The following NYAP2 variants were observed in gnomAD, a reference collection of about 807,000 sequenced individuals.
NYAP2 encodes neuronal tyrosine-phosphorylated phosphoinositide-3-kinase adaptor 2, also known as neuronal tyrosine-phosphorylated phosphoinositide-3-kinase adapter 2.
In NYAP2, 23 loss-of-function variants were observed where a neutral mutation model predicts 50.4. That is an observed-to-expected ratio of 0.46 (90% CI 0.33 to 0.65). NYAP2 has a LOEUF of 0.65. NYAP2 is among the 30% of genes least tolerant of loss of function. The pLI, the probability that NYAP2 is intolerant of heterozygous loss-of-function variation, is 0.02. For synonymous variants in NYAP2, 394 were observed against 365.2 expected, an observed-to-expected ratio of 1.08 and a Z score of -0.90; for missense variants, 885 against 861.0, an observed-to-expected ratio of 1.03 and a Z score of -0.35.
exon 7 of NYAP2, chr2:225,651,460 G>A (rs1297890564): frequency 1.2e-6 from 2 of 1,613,984 alleles, no homozygotes; most frequent in Admixed American, 3.3e-5. Flanking sequence ...AATTAGGCCG[G>A]TCTGCGTCGA....
downstream of NYAP2, among the ~76,000 whole-genome samples, chr2:225,658,368 C>G (rs972006500): frequency 6.6e-6 from 1 of 152,164 alleles, no homozygotes; most frequent in African/African-American, 2.4e-5. Context: ...AAGTGTTTCT[C>G]TGTACTAACT....
intron 3 of NYAP2, among the ~76,000 whole-genome samples, chr2:225,448,268 T>C (rs1397214214): frequency 2.6e-5 from 4 of 152,192 alleles, no homozygotes; most frequent in Non-Finnish European, 4.4e-5. Flanking sequence ...AATTCAGTGA[T>C]AGTCATCAAT....
intron 6 of NYAP2, among the ~76,000 whole-genome samples, chr2:225,638,948 T>C (rs1310423303): frequency 6.6e-6 from 1 of 152,194 alleles, no homozygotes; most frequent in Non-Finnish European, 1.5e-5. Flanking sequence ...GAGAAGTGTT[T>C]CCTTGAGATA....
chr2:225,441,449 T>C (rs1346764067), intron 3 of NYAP2, among the ~76,000 whole-genome samples: 2 of 152,212 alleles, frequency 1.3e-5, no homozygotes, highest in Admixed American at 1.3e-4. Context: ...GCTAGACTAC[T>C]GTATTAGTCC....
At chr2:225,524,119 AG>A (rs1436240257) in intron 4 of NYAP2, among the ~76,000 whole-genome samples, 1 of 152,194 alleles carries the variant, frequency 6.6e-6, no homozygotes, top group Non-Finnish European at 1.5e-5. Flanking sequence ...CACAAGGTGA[AG>A]TCCCACAATA....
At chr2:225,583,005 A>G (rs755748231) in exon 5 of NYAP2, 9 of 1,611,948 alleles carry the variant, frequency 5.6e-6, no homozygotes, top group Non-Finnish European at 7.6e-6. Context: ...CAAGTCGTCC[A>G]GTGGCCGGCG....
At chr2:225,699,459 C>G in the NYAP2 span, 1 of 151,844 alleles carries the variant, frequency 6.6e-6, no homozygotes, top group Non-Finnish European at 1.5e-5. Context: ...TTGTAGCCAC[C>G]ATAATCACTA....
rs371615840 is a variant in NYAP2 at position 225,528,325 on chromosome 2, G to C, written c.523+14653G>C. Among the ~76,000 whole-genome samples the C allele has an allele frequency of 3.9e-5, 6 of 152,226 alleles. No homozygotes were observed. The East Asian group carries it at 7.7e-4, about 20-fold the overall frequency. Reference sequence around the variant, plus strand: ...TATCACAATACATTCTAAATACTTGGCAAATAAATAGGGTAAAATATAATT... The same window carrying C: ...TATCACAATACATTCTAAATACTTGCCAAATAAATAGGGTAAAATATAATT... On this transcript the variant is annotated intron_variant, in intron 4 of 6. Coordinates refer to ENST00000636099, the Ensembl canonical transcript of NYAP2.
chr2:225,700,263 G>A, the NYAP2 span: 1 of 151,590 alleles, frequency 6.6e-6, no homozygotes, highest in Non-Finnish European at 1.5e-5. Context: ...AAAAAGGTAA[G>A]TGGGAGCAGT....
intron 5 of NYAP2, among the ~76,000 whole-genome samples, chr2:225,584,607 G>T (rs968935535): frequency 6.6e-6 from 1 of 152,118 alleles, no homozygotes; most frequent in Non-Finnish European, 1.5e-5. Flanking sequence ...TAAAGGAAAA[G>T]AAACTCTCAA....
At chr2:225,657,530 A>AG (rs1693847111), downstream of NYAP2, among the ~76,000 whole-genome samples, 1 of 151,856 alleles carries the variant, frequency 6.6e-6, no homozygotes, top group African/African-American at 2.4e-5. Flanking sequence ...AAAAACAAAA[A>AG]CAAGTCCTAA....
intron 5 of NYAP2, among the ~76,000 whole-genome samples, chr2:225,596,675 C>T (rs1692605208): frequency 6.6e-6 from 1 of 152,106 alleles, no homozygotes; most frequent in South Asian, 2.1e-4. Flanking sequence ...TGATTTTAAT[C>T]TGAGCTTTGT....
At chr2:225,560,165 A>G (rs1009775019) in intron 4 of NYAP2, among the ~76,000 whole-genome samples, 2 of 152,118 alleles carry the variant, frequency 1.3e-5, no homozygotes, top group Admixed American at 6.6e-5. Flanking sequence ...ACTTACATAT[A>G]TATGCATAAT....
chr2:225,673,987 T>A, the NYAP2 span, among the ~76,000 whole-genome samples: 1 of 150,464 alleles, frequency 6.6e-6, no homozygotes, highest in Non-Finnish European at 1.5e-5. Context: ...AGCTCACAAA[T>A]TTCCCCTGTG....
chr2:225,543,298 T>C (rs141151375), intron 4 of NYAP2, among the ~76,000 whole-genome samples: 45 of 152,070 alleles, frequency 3.0e-4, no homozygotes, highest in African/African-American at 1.1e-3. Flanking sequence ...TTACTAATTT[T>C]GGGTTTGGTC....
chr2:225,696,836 A>C, the NYAP2 span, among the ~76,000 whole-genome samples: 1 of 151,956 alleles, frequency 6.6e-6, no homozygotes, highest in Admixed American at 6.6e-5. Context: ...GAGAGTTACC[A>C]AATCACTTTA....
chr2:225,513,315 C>G, intron 3 of NYAP2, 56 bp from the exon 4 acceptor site: 2 of 1,515,402 alleles, frequency 1.3e-6, no homozygotes, highest in Non-Finnish European at 1.8e-6. Flanking sequence ...CATGTATGAT[C>G]TTGTATATCC....
intron 5 of NYAP2, among the ~76,000 whole-genome samples, chr2:225,625,156 TTG>T (rs1693188253): frequency 1.3e-5 from 2 of 151,816 alleles, no homozygotes; most frequent in South Asian, 4.2e-4. Context: ...ATTTTACAAC[TTG>T]TGATTATTAG....
At chr2:225,591,507 A>G (rs148873805) in intron 5 of NYAP2, among the ~76,000 whole-genome samples, 132 of 152,260 alleles carry the variant, frequency 8.7e-4, no homozygotes, top group Middle Eastern at 3.4e-3. Flanking sequence ...CTTCCTCGAG[A>G]ACACTTCCAT....
Sources: allele counts gnomAD v4.1 joint callset (sites outside exome capture counted in the v4.1 genomes callset), GRCh38; gene constraint gnomAD v4.1.1; transcripts MANE v1.5; gene names NCBI Gene and HGNC (gene_info 2026-07-23, HGNC 2026-07-21).